Variants in EBLN1 observed in about 807,000 individuals in gnomAD.
The protein encoded by EBLN1 is endogenous Bornavirus like nucleoprotein 1, also known as endogenous Bornavirus-like nucleoprotein 1.
A neutral mutation model predicts 0.8 loss-of-function variants in EBLN1; 1 was observed. That is an observed-to-expected ratio of 1.32 (90% confidence interval 0.47 to 6.26). EBLN1 has a LOEUF of 6.26. Ranked by LOEUF, EBLN1 falls within the 30% of genes most tolerant of loss-of-function variation. EBLN1 has a pLI of 0.15. For synonymous variants in EBLN1, 158 were observed against 158.5 expected, an observed-to-expected ratio of 1.00 and a Z score of 0.02; for missense variants, 396 against 447.9, an observed-to-expected ratio of 0.88 and a Z score of 1.05.
Position 22,209,055 on chromosome 10 carries a change from T to C in EBLN1, c.929A>G (p.Lys310Arg). ...NLATAANYWAKRRNSTFSGFE... is the reference protein window; with the variant it reads ...NLATAANYWARRRNSTFSGFE... The stretch of plus-strand genomic sequence containing the variant: ...TCCAGAAAATGTGGAATTCCTTCTT[T>C]TGGCCCAGTAGTTTGCTGCTGTTGC... The change falls in exon 3 of 3, where the codon AAA (lysine) becomes AGA (arginine). Residue 310 changes from lysine to arginine, a missense_variant. By Grantham distance (26) the Lys-to-Arg change is conservative. Transcript: ENST00000422359. 1 of 1,536,566 alleles carries C rather than the reference T, an allele frequency of 6.5e-7. No homozygotes were observed. The highest frequency in any genetic ancestry group is 8.7e-7 in the Non-Finnish European group (1 of 1,146,906).
chr10:22,213,374 A>G (rs1290840846), intron 1 of EBLN1, among the ~76,000 whole-genome samples: 2 of 152,204 alleles, frequency 1.3e-5, no homozygotes, highest in African/African-American at 2.4e-5. Flanking sequence ...TAATTCCTGT[A>G]GGAACACAAG....
chr10:22,213,013 G>A (rs1169634872), intron 1 of EBLN1, among the ~76,000 whole-genome samples, 48 bp from the exon 2 acceptor site: 3 of 151,642 alleles, frequency 2.0e-5, no homozygotes, highest in African/African-American at 7.3e-5. Context: ...AGTCTATGAT[G>A]TAAAGTGTGT....
rs1177080835 is a variant in EBLN1, at chr10:22,208,646, G to T, written c.*237C>A. Among the ~76,000 whole-genome samples the T allele has an allele frequency of 6.6e-6, 1 of 152,146 alleles. No homozygotes were observed. The highest frequency in any genetic ancestry group is 1.5e-5 in the Non-Finnish European group (1 of 68,024). ...TTTCAATTATTTCAAAATTCTACAT[G>T]TCAAAGCATATTTTTGGCCTCCAGT... On this transcript the variant is annotated 3_prime_UTR_variant, in exon 3 of 3. Transcript: ENST00000422359.
Position 22,209,515 on chromosome 10 carries a change from T to C in EBLN1, c.469A>G (p.Asn157Asp). Residue 157 changes from asparagine (N) to aspartate (D), a missense_variant, in exon 3 of 3, where the codon AAC (asparagine) becomes GAC (aspartate). Physicochemically the swap from Asn to Asp is conservative, Grantham distance 23. Coordinates refer to ENST00000422359, the MANE Select transcript of EBLN1 (RefSeq NM_001394757.1). ...AAGSSDPICT[N>D]SLQVQRQFKA... ...AATTGTCTCTGTACTTGGAGGCTGT[T>C]GGTGCATATCGGGTCACTCGATCCG... The C allele has an allele frequency of 1.3e-6, 2 of 1,585,938 alleles. No homozygotes were observed. The highest frequency in any genetic ancestry group is 1.7e-6 in the Non-Finnish European group (2 of 1,173,658).
rs113901956 is a variant in EBLN1, at chr10:22,208,548, A to G, written c.*335T>C. Among the ~76,000 whole-genome samples the G allele has an allele frequency of 3.6e-3, 551 of 152,334 alleles. 3 individuals carry two copies. The highest frequency in any genetic ancestry group is 6.4e-3 in the Non-Finnish European group (432 of 68,026). On this transcript the variant is annotated 3_prime_UTR_variant, in exon 3 of 3. Coordinates refer to ENST00000422359, the MANE Select transcript of EBLN1 (RefSeq NM_001394757.1). Reference sequence around the variant, plus strand: ...CAAGACAAATTAGAGAAGAAATACAATAACCTTAAAAATGATCTGGGCCTT... The same window carrying G: ...CAAGACAAATTAGAGAAGAAATACAGTAACCTTAAAAATGATCTGGGCCTT...
In EBLN1 at chr10:22,209,532, C is replaced by T. The variant is rs1834726292; in HGVS notation, c.452G>A (p.Ser151Asn). The change falls in exon 3 of 3, where the codon AGT becomes AAT. Residue 151 changes from serine to asparagine, a missense_variant. Transcript: ENST00000422359. ...CDLIGIAAGS[S>N]DPICTNSLQV... ...GAGGCTGTTGGTGCATATCGGGTCA[C>T]TCGATCCGGCAGCAATGCCTATCAG... 6.4e-7 allele frequency: 1 copy of T among 1,565,170 alleles called. No homozygotes were observed. The highest frequency in any genetic ancestry group is 8.6e-7 in the Non-Finnish European group (1 of 1,164,536).
intron 2 of EBLN1, among the ~76,000 whole-genome samples, chr10:22,212,100 G>T (rs530337309): frequency 5.3e-5 from 8 of 152,260 alleles, no homozygotes; most frequent in South Asian, 2.1e-4. Flanking sequence ...AGGGGCTAGG[G>T]TTGGTGTTCT....
chr10:22,217,758 T>C (rs762773296), intron 1 of EBLN1, among the ~76,000 whole-genome samples, 158 bp downstream of exon 1: 7 of 152,212 alleles, frequency 4.6e-5, no homozygotes, highest in Non-Finnish European at 1.0e-4. Context: ...AAGTCTCTCC[T>C]AAATAACTTC....
At chr10:22,214,236 T>C (rs1363123064) in intron 1 of EBLN1, among the ~76,000 whole-genome samples, 1 of 151,834 alleles carries the variant, frequency 6.6e-6, no homozygotes, top group Non-Finnish European at 1.5e-5. Context: ...CAAGAAAATA[T>C]ACATTAATGT....
chr10:22,209,987 G>A lies in EBLN1; in HGVS notation c.-4C>T. The A allele has an allele frequency of 7.2e-7, 1 of 1,395,314 alleles. No individual in the cohort carries two copies. 86.4% of individuals were successfully genotyped at this position (1,395,314 alleles called of 1,614,324 possible). A position where few individuals can be genotyped will look rare whatever the true frequency, so the allele number is the denominator to read the frequency against. ...GGTTGTTTCTTGGGCGGGACATTGTGGGTGATTGTTTCTGTGATTTTCACA... is the reference window on the plus strand; with the variant it reads ...GGTTGTTTCTTGGGCGGGACATTGTAGGTGATTGTTTCTGTGATTTTCACA... On this transcript the variant is annotated 5_prime_UTR_variant, in exon 3 of 3. Transcript: ENST00000422359.
rs1834715419 is a variant in EBLN1 at position 22,208,746 on chromosome 10, A to G, written c.*137T>C. 3 of 927,878 alleles carry G rather than the reference A, an allele frequency of 3.2e-6. No homozygotes were observed. In the Admixed American group the frequency reaches 9.3e-5, roughly 29 times the overall value. The allele number at this position is 927,878 out of a possible 1,614,324, so 57.5% of individuals were successfully genotyped here. On this transcript the variant is annotated 3_prime_UTR_variant, in exon 3 of 3. Transcript: ENST00000422359. Reference sequence around the variant, plus strand: ...GATGGACTCTTTTAAAGAATAAAAGATTATAGAGAAGTTGCGATAGATGTC... The same window carrying G: ...GATGGACTCTTTTAAAGAATAAAAGGTTATAGAGAAGTTGCGATAGATGTC...
rs556124751 is a variant in EBLN1, at chr10:22,208,498, T to C, written c.*385A>G. 6.6e-6 allele frequency among the ~76,000 whole-genome samples: 1 copy of C among 152,340 alleles called. No homozygotes were observed. The highest frequency in any genetic ancestry group is 2.1e-4 in the South Asian group (1 of 4,830). ...GATAAGTGATAATGCATCAGATTTA[T>C]TTCAACATAATTATAAAAAATAATC... is the stretch of plus-strand genomic sequence containing the variant. On this transcript the variant is annotated 3_prime_UTR_variant, in exon 3 of 3. Transcript: ENST00000422359.
intron 2 of EBLN1, 122 bp from the exon 3 acceptor site, chr10:22,210,149 A>G: frequency 1.1e-6 from 1 of 947,878 alleles, no homozygotes. Flanking sequence ...TTAGTCTAGT[A>G]AAGGAATTTC....
In EBLN1 at chr10:22,209,547, A is replaced by G; in HGVS notation, c.437T>C (p.Ile146Thr). 4.6e-6 allele frequency: 7 copies of G among 1,535,686 alleles called. No individual in the cohort carries two copies. Among genetic ancestry groups the G allele is most frequent in the Non-Finnish European group, 6.1e-6 (7 of 1,153,212 alleles). Residue 146 changes from isoleucine to threonine, a missense_variant, in exon 3 of 3, where the codon ATT becomes ACT. Ile to Thr is a moderately conservative substitution (Grantham distance 89). Transcript: ENST00000422359. ...ILRHCCDLIGIAAGSSDPICT... is the reference protein window; with the variant it reads ...ILRHCCDLIGTAAGSSDPICT... ...TATCGGGTCACTCGATCCGGCAGCA[A>G]TGCCTATCAGATCACAGCAGTGACG...
chr10:22,212,353 T>G (rs1448424837), intron 2 of EBLN1, among the ~76,000 whole-genome samples: 2 of 152,198 alleles, frequency 1.3e-5, no homozygotes, highest in Non-Finnish European at 2.9e-5. Flanking sequence ...AAATATGCAA[T>G]TTTCAAATGG....
At chr10:22,216,742 T>A (rs540821532) in intron 1 of EBLN1, among the ~76,000 whole-genome samples, 1 of 152,214 alleles carries the variant, frequency 6.6e-6, no homozygotes, top group Non-Finnish European at 1.5e-5. Flanking sequence ...ATTTATAAAT[T>A]GTGCTAATAC....
intron 2 of EBLN1, among the ~76,000 whole-genome samples, chr10:22,211,545 T>A (rs565396965): frequency 6.6e-6 from 1 of 152,106 alleles, no homozygotes; most frequent in South Asian, 2.1e-4. Context: ...CAGGCTGGAG[T>A]GCAGTGGCGC....
chr10:22,209,762 A>C lies in EBLN1; in HGVS notation c.222T>G (p.Leu74=). The C allele has an allele frequency of 6.5e-7, 1 of 1,535,968 alleles. No individual in the cohort carries two copies. Among genetic ancestry groups the C allele is most frequent in the Non-Finnish European group, 8.7e-7 (1 of 1,146,926 alleles). The change falls in exon 3 of 3, where the codon CTT becomes CTG. Residue 74 remains leucine, a synonymous_variant. Transcript: ENST00000422359. ...ACAAAAATACTAAGCTTGGGGTTACAAGGTAAAAATGAGATCTCTGTGCTG... is the reference window on the plus strand; with the variant it reads ...ACAAAAATACTAAGCTTGGGGTTACCAGGTAAAAATGAGATCTCTGTGCTG... ...LDPAQRSHFY[L]VTPSLVFLCF...
rs1008244905 is a variant in EBLN1, at chr10:22,215,553, T to C, written c.-169+2363A>G. Among the ~76,000 whole-genome samples the C allele has an allele frequency of 3.9e-5, 6 of 152,182 alleles. 1 individual carries two copies. Among genetic ancestry groups the C allele is most frequent in the Admixed American group, 3.9e-4 (6 of 15,274 alleles). ...AGAAAATAGTTTTGACAATTCTCAC[T>C]GCTGCTAGAAGTATGGCAAAACAGA... On this transcript the variant is annotated intron_variant, in intron 1 of 2. Transcript: ENST00000422359.
Sources: allele counts gnomAD v4.1 joint callset (sites outside exome capture counted in the v4.1 genomes callset), GRCh38; gene constraint gnomAD v4.1.1; transcripts MANE v1.5; gene names NCBI Gene and HGNC (gene_info 2026-07-23, HGNC 2026-07-21).